Variants in IPO5 observed in about 807,000 individuals in gnomAD.
The protein encoded by IPO5 is importin 5.
IPO5 carries 18 observed loss-of-function variants against 143.3 expected under a neutral mutation model. That is an observed-to-expected ratio of 0.13 (90% CI 0.09 to 0.19). The LOEUF is 0.19. IPO5 is among the 10% of genes least tolerant of loss of function. The pLI, the probability that IPO5 is intolerant of heterozygous loss-of-function variation, is 1.00. For synonymous variants in IPO5, 477 were observed against 465.7 expected, an observed-to-expected ratio of 1.02 and a Z score of -0.31; for missense variants, 1,013 against 1,336.9, an observed-to-expected ratio of 0.76 and a Z score of 3.78.
chr13:97,998,530 C>T lies in IPO5; in HGVS notation c.1001+912C>T, dbSNP rs553294140. ...CCAGTGGTGAAAAGATGAGAGTCAA[C>T]TGGGTAGAGTATTACTATTGTACTT... On this transcript the variant is annotated intron_variant, in intron 12 of 28. Coordinates refer to ENST00000651721, the MANE Select transcript of IPO5 (RefSeq NM_002271.6). Among the ~76,000 whole-genome samples the T allele has an allele frequency of 2.0e-5, 3 of 152,172 alleles. No homozygotes were observed. In the East Asian group the frequency reaches 5.8e-4, roughly 29 times the overall value.
chr13:97,978,290 T>G (rs1038992093), intron 4 of IPO5, among the ~76,000 whole-genome samples: 1 of 152,216 alleles, frequency 6.6e-6, no homozygotes, highest in African/African-American at 2.4e-5. Context: ...GCAACTTGAA[T>G]TTTTCACTCT....
intron 12 of IPO5, among the ~76,000 whole-genome samples, chr13:97,999,459 A>T (rs928592188): frequency 6.6e-6 from 1 of 152,192 alleles, no homozygotes; most frequent in Non-Finnish European, 1.5e-5. Flanking sequence ...ACTTAAATTT[A>T]TACAGTTTAA....
chr13:98,020,631 T>A (rs1243234578), intron 27 of IPO5, among the ~76,000 whole-genome samples: 1 of 152,272 alleles, frequency 6.6e-6, no homozygotes, highest in Admixed American at 6.5e-5. Context: ...TTTCCCAGTT[T>A]ATTCTTGAAA....
Position 97,994,451 on chromosome 13 carries a change from G to A in IPO5, c.913+1226G>A, listed in dbSNP as rs1040833813. On this transcript the variant is annotated intron_variant, in intron 11 of 28. Transcript: ENST00000651721. Reference sequence around the variant, plus strand: ...TAGATATGAGAACATTTTATTGTAAGTGTTCCATTATTCATAATAATCATT... The same window carrying A: ...TAGATATGAGAACATTTTATTGTAAATGTTCCATTATTCATAATAATCATT... Among the ~76,000 whole-genome samples the A allele has an allele frequency of 4.6e-5, 7 of 152,340 alleles. No individual in the cohort carries two copies. In the South Asian group the frequency reaches 1.2e-3, roughly 27 times the overall value.
chr13:97,981,446 C>A (rs962014019), intron 4 of IPO5: 2 of 302,858 alleles, frequency 6.6e-6, no homozygotes, highest in Non-Finnish European at 1.3e-5. Flanking sequence ...CTGTTAATAT[C>A]TCATGGATGC....
intron 5 of IPO5, 81 bp from the exon 6 acceptor site, chr13:97,985,340 C>T: frequency 8.6e-7 from 1 of 1,163,364 alleles, no homozygotes; most frequent in Non-Finnish European, 1.3e-6. Flanking sequence ...AAATTAGGCG[C>T]TTTTGAAATA....
At chr13:97,963,241 A>G (rs1885035116) in intron 2 of IPO5, 1 of 152,148 alleles carries the variant, frequency 6.6e-6, no homozygotes, top group Non-Finnish European at 1.5e-5. Context: ...CATAAAACTA[A>G]CCATCACAGT....
At chr13:98,013,972 T>C in intron 21 of IPO5, 70 bp from the exon 22 acceptor site, 5 of 1,348,346 alleles carry the variant, frequency 3.7e-6, no homozygotes, top group Non-Finnish European at 5.1e-6. Flanking sequence ...GCACTCCTTT[T>C]AGTGCATTGA....
chr13:97,996,726 C>G (rs535956431), intron 11 of IPO5, among the ~76,000 whole-genome samples: 1 of 152,282 alleles, frequency 6.6e-6, no homozygotes, highest in African/African-American at 2.4e-5. Flanking sequence ...CCTAAGCCTC[C>G]TGAGTAGCTA....
intron 11 of IPO5, among the ~76,000 whole-genome samples, chr13:97,996,382 C>T (rs938411539): frequency 1.2e-4 from 18 of 152,086 alleles, no homozygotes; most frequent in African/African-American, 4.3e-4. Flanking sequence ...TCTGAAATAG[C>T]TAATGAACCC....
At chr13:98,010,338 TAAAA>T in intron 20 of IPO5, 114 bp downstream of exon 20, 1 of 926,662 alleles carries the variant, frequency 1.1e-6, no homozygotes, top group Non-Finnish European at 1.6e-6. Context: ...ATATGTTCCT[TAAAA>T]AGTAAAGTTT....
At position 98,002,611 on chromosome 13, in the gene IPO5, T is replaced by G. The variant is rs1471660372; in HGVS notation, c.1233+20T>G. 1 of 1,610,750 alleles carries G rather than the reference T, an allele frequency of 6.2e-7. No individual in the cohort carries two copies. The highest frequency in any genetic ancestry group is 1.3e-5 in the African/African-American group (1 of 74,694). On this transcript the variant is annotated intron_variant, in intron 14 of 28. Coordinates refer to ENST00000651721, the MANE Select transcript of IPO5 (RefSeq NM_002271.6). ...GATCCTGTAAGTACCAGTAAATATT[T>G]GATTCAAAATGATTAGTGTAGCTTC...
At chr13:97,963,878 T>C (rs1379156205) in intron 2 of IPO5, among the ~76,000 whole-genome samples, 1 of 152,202 alleles carries the variant, frequency 6.6e-6, no homozygotes, top group Non-Finnish European at 1.5e-5. Context: ...GACTTTTTAA[T>C]GATCACCATT....
chr13:98,021,512 C>T (rs532826591), intron 28 of IPO5: 3 of 392,412 alleles, frequency 7.6e-6, no homozygotes, highest in African/African-American at 6.1e-5. Context: ...AAGATGTTAC[C>T]TGCTTAGTGT....
At chr13:98,020,060 A>C in intron 27 of IPO5, 1 of 307,830 alleles carries the variant, frequency 3.2e-6, no homozygotes, top group Non-Finnish European at 6.0e-6. Flanking sequence ...CACTTTAATT[A>C]TTTATTTCTT....
At chr13:98,017,582 G>A (rs947955384) in intron 25 of IPO5, among the ~76,000 whole-genome samples, 1 of 152,102 alleles carries the variant, frequency 6.6e-6, no homozygotes, top group Non-Finnish European at 1.5e-5. Flanking sequence ...ACAGGCATGA[G>A]CCACTGCGCC....
At chr13:97,983,540 C>G (rs868501980) in intron 5 of IPO5, among the ~76,000 whole-genome samples, 681 of 25,332 alleles carry the variant, frequency 0.027, 15 homozygotes, top group African/African-American at 0.17. Flanking sequence ...TAATTCCACC[C>G]CCCCCCCCCA....
chr13:97,996,661 G>T (rs552832721), intron 11 of IPO5, among the ~76,000 whole-genome samples: 1 of 152,184 alleles, frequency 6.6e-6, no homozygotes, highest in East Asian at 1.9e-4. Context: ...GGAGTGCAGT[G>T]GTGTGATCTT....
At chr13:98,004,957 G>A (rs1379694609) in intron 16 of IPO5, among the ~76,000 whole-genome samples, 5 of 151,444 alleles carry the variant, frequency 3.3e-5, no homozygotes, top group Non-Finnish European at 4.4e-5. Context: ...GTGCGATAAC[G>A]CACTCTCTGC....
Sources: gnomAD v4.1 joint callset for allele counts (sites outside exome capture counted in the v4.1 genomes callset) on GRCh38, gnomAD v4.1.1 for gene constraint, MANE v1.5 for transcripts, NCBI Gene and HGNC (gene_info 2026-07-23, HGNC 2026-07-21) for gene names.